TENM2: variants seen among roughly 807,000 people sequenced by gnomAD.
The protein encoded by TENM2 is teneurin-2.
Under a neutral mutation model 245.2 loss-of-function variants are expected in TENM2, and 52 were observed. The ratio of observed to expected loss-of-function variants is 0.21; its 90% CI spans 0.17 to 0.27. The LOEUF (loss-of-function observed/expected upper bound fraction) is 0.27. Ranked by LOEUF, TENM2 falls within the 10% of genes least tolerant of loss-of-function variation. The probability of loss-of-function intolerance (pLI) is 1.00; values close to 1 mark genes in which losing one functional copy is unlikely to be tolerated. For missense variants in TENM2, 3,046 were observed against 3,666.8 expected (o/e 0.83, Z 4.37); for synonymous variants, 1,363 against 1,438.9 (o/e 0.95, Z 1.19).
chr5:168,141,322 A>G (rs1165313703), intron 12 of TENM2, among the ~76,000 whole-genome samples: 1 of 152,194 alleles, frequency 6.6e-6, no homozygotes, highest in Non-Finnish European at 1.5e-5. Context: ...ATAATCATTC[A>G]CATTCTCTGC....
chr5:167,422,120 C>T (rs983479145), intron 2 of TENM2, among the ~76,000 whole-genome samples: 2 of 152,086 alleles, frequency 1.3e-5, no homozygotes, highest in Non-Finnish European at 2.9e-5. Context: ...TTTGTCTACC[C>T]TCTCCATTAA....
intron 4 of TENM2, among the ~76,000 whole-genome samples, chr5:167,984,877 G>A (rs552555706): frequency 6.6e-6 from 1 of 152,048 alleles, no homozygotes; most frequent in African/African-American, 2.4e-5. Context: ...CCATGTCTCT[G>A]TCTCTGTCTG....
the TENM2 span, among the ~76,000 whole-genome samples, chr5:166,979,406 G>A: frequency 3.5e-4 from 53 of 152,028 alleles, no homozygotes; most frequent in Non-Finnish European, 5.4e-4. Context: ...TCTTGAGGGT[G>A]TGTGTTGCCC....
At chr5:168,208,136 T>G (rs1395210911) in intron 19 of TENM2, among the ~76,000 whole-genome samples, 1 of 152,152 alleles carries the variant, frequency 6.6e-6, no homozygotes, top group East Asian at 1.9e-4. Flanking sequence ...CTCCCCAGTT[T>G]TAGAACATCT....
intron 11 of TENM2, 94 bp from the exon 14 acceptor site, chr5:168,126,660 C>T: frequency 9.8e-7 from 1 of 1,022,510 alleles, no homozygotes; most frequent in Non-Finnish European, 1.4e-6. Flanking sequence ...GCCTCGGGGC[C>T]TGCTCCAGGG....
intron 6 of TENM2, among the ~76,000 whole-genome samples, chr5:168,050,854 T>C (rs1207719988): frequency 6.6e-6 from 1 of 152,196 alleles, no homozygotes; most frequent in African/African-American, 2.4e-5. Context: ...TTTCTTCCAC[T>C]CTCCTTCAAT....
intron 1 of TENM2, among the ~76,000 whole-genome samples, chr5:167,356,798 C>T (rs1301934120): frequency 1.3e-5 from 2 of 152,218 alleles, no homozygotes; most frequent in Non-Finnish European, 2.9e-5. Flanking sequence ...TTATACCTTT[C>T]ATGGGCCTTA....
chr5:168,023,982 T>C (rs899342171), intron 5 of TENM2, among the ~76,000 whole-genome samples: 6 of 152,144 alleles, frequency 3.9e-5, no homozygotes, highest in African/African-American at 1.4e-4. Flanking sequence ...TATACATATA[T>C]AGAGAGAGAT....
At chr5:168,104,295 C>T (rs1468366330) in intron 9 of TENM2, among the ~76,000 whole-genome samples, 1 of 152,180 alleles carries the variant, frequency 6.6e-6, no homozygotes, top group African/African-American at 2.4e-5. Flanking sequence ...TCCCAAAGTG[C>T]TGGGATTACA....
At chr5:167,849,858 G>T (rs976514518) in intron 2 of TENM2, among the ~76,000 whole-genome samples, 2 of 152,178 alleles carry the variant, frequency 1.3e-5, no homozygotes, top group African/African-American at 2.4e-5. Flanking sequence ...AAGGGGTGTG[G>T]AGCTTCCATG....
intron 6 of TENM2, among the ~76,000 whole-genome samples, chr5:168,052,391 C>T (rs893895425): frequency 1.3e-5 from 2 of 151,316 alleles, no homozygotes; most frequent in African/African-American, 4.9e-5. Context: ...ACTCTGTGTC[C>T]ATATATACAC....
chr5:167,670,534 A>G lies in TENM2; in HGVS notation c.503-205452A>G, dbSNP rs187996721. 1.4e-4 allele frequency among the ~76,000 whole-genome samples: 21 copies of G among 151,712 alleles called. No individual in the cohort carries two copies. The East Asian group carries it at 4.1e-3, about 30-fold the overall frequency. ...CTGTGCACTGAAAGACCTGTATGAGACTCAGGAAACAATCATTCACAGACT... is the reference window on the plus strand; with the variant it reads ...CTGTGCACTGAAAGACCTGTATGAGGCTCAGGAAACAATCATTCACAGACT... On this transcript the variant is annotated intron_variant, in intron 2 of 28. Coordinates refer to ENST00000518659, the Ensembl canonical transcript of TENM2.
At chr5:166,982,227 C>A in the TENM2 span, among the ~76,000 whole-genome samples, 3 of 152,102 alleles carry the variant, frequency 2.0e-5, no homozygotes, top group South Asian at 6.2e-4. Flanking sequence ...ATTCATGGAA[C>A]TTGTCAATCA....
At chr5:167,331,758 A>G (rs941608491) in intron 1 of TENM2, among the ~76,000 whole-genome samples, 4 of 152,214 alleles carry the variant, frequency 2.6e-5, no homozygotes, top group South Asian at 2.1e-4. Context: ...CAAGCTGCAT[A>G]TAATTATCAC....
chr5:167,631,644 A>G (rs1276268353), intron 2 of TENM2, among the ~76,000 whole-genome samples: 1 of 152,088 alleles, frequency 6.6e-6, no homozygotes, highest in Non-Finnish European at 1.5e-5. Context: ...TATTCCTACT[A>G]CTGTTCCACA....
chr5:167,118,455 G>C, the TENM2 span, among the ~76,000 whole-genome samples: 2 of 152,210 alleles, frequency 1.3e-5, no homozygotes, highest in Admixed American at 1.3e-4. Context: ...ATCTCGTAGG[G>C]ATAGTCAAGT....
chr5:167,981,578 T>G (rs1411523996), intron 4 of TENM2, among the ~76,000 whole-genome samples: 1 of 152,182 alleles, frequency 6.6e-6, no homozygotes, highest in Non-Finnish European at 1.5e-5. Flanking sequence ...TGTGCTGAAT[T>G]CCCCATGAGT....
intron 7 of TENM2, among the ~76,000 whole-genome samples, chr5:168,063,624 A>G (rs1224758198): frequency 1.3e-5 from 2 of 152,210 alleles, no homozygotes; most frequent in East Asian, 3.9e-4. Context: ...CTATAAAAAA[A>G]CCCATTGGCA....
chr5:167,988,928 G>A (rs964703857), intron 4 of TENM2, among the ~76,000 whole-genome samples: 11 of 152,070 alleles, frequency 7.2e-5, no homozygotes, highest in Admixed American at 4.6e-4. Context: ...TCCATTTTTC[G>A]TATAAATGAG....
Sources: gnomAD v4.1 joint callset for allele counts (sites outside exome capture counted in the v4.1 genomes callset) on GRCh38, gnomAD v4.1.1 for gene constraint, MANE v1.5 for transcripts, NCBI Gene and HGNC (gene_info 2026-07-23, HGNC 2026-07-21) for gene names.